The following ST6GALNAC3 variants were observed in gnomAD, a reference collection of about 807,000 sequenced individuals.
ST6GALNAC3 encodes the protein alpha-N-acetylgalactosaminide alpha-2,6-sialyltransferase 3.
In ST6GALNAC3, 25 loss-of-function variants were observed where a neutral mutation model predicts 32.7. That is an observed-to-expected ratio of 0.76 (90% CI 0.56 to 1.07). The LOEUF (loss-of-function observed/expected upper bound fraction) is 1.07, where lower values mean the gene tolerates loss of function less well. Ranked by LOEUF, ST6GALNAC3 falls within the 50% of genes least tolerant of loss-of-function variation. The pLI, the probability that ST6GALNAC3 is intolerant of heterozygous loss-of-function variation, is 0.00. For synonymous variants in ST6GALNAC3, 129 were observed against 133.1 expected (o/e 0.97, Z 0.21); for missense variants, 355 against 382.4 (o/e 0.93, Z 0.60).
chr1:76,276,365 A>G (rs1002153774), intron 1 of ST6GALNAC3, among the ~76,000 whole-genome samples: 21 of 152,232 alleles, frequency 1.4e-4, no homozygotes, highest in South Asian at 2.1e-4. Flanking sequence ...ATACAATCCT[A>G]AACAATATAT....
At chr1:76,084,907 G>A (rs1267055623) in intron 1 of ST6GALNAC3, among the ~76,000 whole-genome samples, 1 of 152,124 alleles carries the variant, frequency 6.6e-6, no homozygotes, top group African/African-American at 2.4e-5. Context: ...GATATTTATT[G>A]TCTCACAACA....
At chr1:76,636,990 A>C (rs1248032739), downstream of ST6GALNAC3, 1 of 151,788 alleles carries the variant, frequency 6.6e-6, no homozygotes, top group Non-Finnish European at 1.5e-5. Context: ...TGATAAGAAT[A>C]TTCTGTGGTT....
intron 1 of ST6GALNAC3, among the ~76,000 whole-genome samples, chr1:76,243,363 A>G (rs1035143262): frequency 1.3e-5 from 2 of 152,164 alleles, no homozygotes; most frequent in African/African-American, 4.8e-5. Context: ...GCCCTTTGTC[A>G]GATGGGTAGA....
At chr1:76,149,581 C>A (rs764978282) in intron 1 of ST6GALNAC3, among the ~76,000 whole-genome samples, 2 of 152,208 alleles carry the variant, frequency 1.3e-5, no homozygotes, top group African/African-American at 2.4e-5. Flanking sequence ...ATTAATGTAT[C>A]TATCAGCTCA....
At chr1:76,241,379 G>A (rs1312265218) in intron 1 of ST6GALNAC3, among the ~76,000 whole-genome samples, 3 of 152,200 alleles carry the variant, frequency 2.0e-5, no homozygotes, top group Non-Finnish European at 4.4e-5. Flanking sequence ...ACCAGTGTGT[G>A]CAGAGATCAC....
chr1:76,307,426 A>G (rs1661128522), intron 1 of ST6GALNAC3, among the ~76,000 whole-genome samples: 1 of 152,194 alleles, frequency 6.6e-6, no homozygotes. Context: ...AGATAGAACT[A>G]TAACATATTG....
intron 3 of ST6GALNAC3, among the ~76,000 whole-genome samples, chr1:76,448,449 AG>A (rs1329372142): frequency 2.0e-5 from 3 of 152,174 alleles, no homozygotes; most frequent in African/African-American, 7.2e-5. Context: ...ACTGTTGGGA[AG>A]GCATGATTAG....
chr1:76,472,905 C>T (rs866596040), intron 3 of ST6GALNAC3, among the ~76,000 whole-genome samples: 2 of 151,628 alleles, frequency 1.3e-5, no homozygotes, highest in African/African-American at 2.4e-5. Flanking sequence ...AAGTGGCTCT[C>T]GGAGAGTGAC....
chr1:76,363,595 G>A (rs1435723192), intron 2 of ST6GALNAC3, among the ~76,000 whole-genome samples: 1 of 152,150 alleles, frequency 6.6e-6, no homozygotes, highest in Non-Finnish European at 1.5e-5. Flanking sequence ...GCCCCATTCT[G>A]TATTCATTTT....
intron 1 of ST6GALNAC3, among the ~76,000 whole-genome samples, chr1:76,162,696 T>A (rs1446954273): frequency 6.6e-6 from 1 of 152,162 alleles, no homozygotes; most frequent in Non-Finnish European, 1.5e-5. Context: ...GTCTAATGGA[T>A]GTATAACCAT....
chr1:76,297,483 T>G lies in ST6GALNAC3; in HGVS notation c.19-16322T>G, dbSNP rs78511198. Among the ~76,000 whole-genome samples the G allele has an allele frequency of 1.2e-3, 179 of 152,102 alleles. 4 individuals are homozygous for G. The East Asian group carries it at 0.032, about 27-fold the overall frequency. ...GACTAAATAAATACAGGATCCTTAT[T>G]TAGGATATAGAAGGACACATGACAT... On this transcript the variant is annotated intron_variant, in intron 1 of 4. Transcript: ENST00000328299.
intron 3 of ST6GALNAC3, among the ~76,000 whole-genome samples, chr1:76,578,730 A>G (rs1306497283): frequency 6.6e-6 from 1 of 151,978 alleles, no homozygotes; most frequent in Non-Finnish European, 1.5e-5. Context: ...TTTTACATAC[A>G]CTACCTACCC....
intron 3 of ST6GALNAC3, among the ~76,000 whole-genome samples, chr1:76,603,115 C>G (rs992713222): frequency 6.6e-6 from 1 of 152,160 alleles, no homozygotes; most frequent in African/African-American, 2.4e-5. Flanking sequence ...AGCAGGAGCT[C>G]TTATATGCTG....
chr1:76,563,024 C>T (rs1557575360), intron 3 of ST6GALNAC3, among the ~76,000 whole-genome samples: 1 of 152,122 alleles, frequency 6.6e-6, no homozygotes, highest in Non-Finnish European at 1.5e-5. Flanking sequence ...AGGTACTATC[C>T]ACACTCCTGT....
At chr1:76,161,519 A>C (rs566444625) in intron 1 of ST6GALNAC3, among the ~76,000 whole-genome samples, 1 of 152,306 alleles carries the variant, frequency 6.6e-6, no homozygotes, top group Non-Finnish European at 1.5e-5. Flanking sequence ...GTGGGTCTTC[A>C]TTTAATGGTG....
intron 2 of ST6GALNAC3, among the ~76,000 whole-genome samples, chr1:76,380,908 C>T (rs530336669): frequency 3.3e-5 from 5 of 152,072 alleles, no homozygotes; most frequent in Non-Finnish European, 7.4e-5. Context: ...CAAATTATGG[C>T]ATGAATGTTT....
chr1:76,241,597 G>A (rs1191885971), intron 1 of ST6GALNAC3, among the ~76,000 whole-genome samples: 3 of 152,104 alleles, frequency 2.0e-5, no homozygotes, highest in Admixed American at 2.0e-4. Flanking sequence ...ATTTCAATAA[G>A]AGATTTGGAT....
At chr1:76,149,695 C>T (rs1017999632) in intron 1 of ST6GALNAC3, among the ~76,000 whole-genome samples, 12 of 150,792 alleles carry the variant, frequency 8.0e-5, no homozygotes, top group Middle Eastern at 3.4e-3. Context: ...ATTTTTATCA[C>T]ATTGTGTATT....
At chr1:76,359,238 T>C (rs1649736731) in intron 2 of ST6GALNAC3, among the ~76,000 whole-genome samples, 2 of 152,222 alleles carry the variant, frequency 1.3e-5, no homozygotes, top group Admixed American at 1.3e-4. Flanking sequence ...GGTTGAATTA[T>C]GTCCCTCCAT....
Sources: allele counts gnomAD v4.1 joint callset (sites outside exome capture counted in the v4.1 genomes callset), GRCh38; gene constraint gnomAD v4.1.1; transcripts MANE v1.5; gene names NCBI Gene and HGNC (gene_info 2026-07-23, HGNC 2026-07-21).